Variants in CTNNA2 observed in about 807,000 individuals in gnomAD.
CTNNA2 encodes catenin alpha-2.
CTNNA2 carries 42 observed loss-of-function variants against 101.0 expected under a neutral mutation model. That is an observed-to-expected ratio of 0.42 (90% CI 0.32 to 0.54). CTNNA2 has a LOEUF of 0.54. Ranked by LOEUF, CTNNA2 falls within the 20% of genes least tolerant of loss-of-function variation. CTNNA2 has a pLI of 0.14. For missense variants in CTNNA2, 871 were observed against 1,223.1 expected, an observed-to-expected ratio of 0.71 and a Z score of 4.29; for synonymous variants, 450 against 456.4, an observed-to-expected ratio of 0.99 and a Z score of 0.18.
intron 7 of CTNNA2, among the ~76,000 whole-genome samples, chr2:79,951,872 C>CT (rs1316846501): frequency 6.6e-5 from 10 of 152,104 alleles, no homozygotes; most frequent in African/African-American, 2.4e-4. Flanking sequence ...ACTCGGCTTC[C>CT]TACAGTCCTA....
chr2:79,816,602 C>A (rs1677522304), intron 3 of CTNNA2, among the ~76,000 whole-genome samples: 1 of 152,044 alleles, frequency 6.6e-6, no homozygotes, highest in Non-Finnish European at 1.5e-5. Flanking sequence ...AAAGATCAAC[C>A]CCGAGGCCAT....
intron 1 of CTNNA2, among the ~76,000 whole-genome samples, chr2:79,192,854 T>G (rs1339343833): frequency 2.6e-5 from 4 of 151,956 alleles, no homozygotes; most frequent in Non-Finnish European, 4.4e-5. Context: ...TAAAATATTA[T>G]ATATATAAAA....
intron 7 of CTNNA2, among the ~76,000 whole-genome samples, chr2:79,966,218 T>TTATA (rs148003299): frequency 2.0e-5 from 3 of 151,480 alleles, no homozygotes; most frequent in African/African-American, 7.3e-5. Context: ...TGCTTCCGTC[T>TTATA]TATATATATA....
chr2:79,565,865 A>C (rs1158268363), intron 1 of CTNNA2, among the ~76,000 whole-genome samples: 1 of 152,110 alleles, frequency 6.6e-6, no homozygotes, highest in African/African-American at 2.4e-5. Context: ...ATTGATGCAT[A>C]AATGGTTATT....
intron 7 of CTNNA2, among the ~76,000 whole-genome samples, chr2:80,074,536 GA>G (rs1698556416): frequency 6.6e-6 from 1 of 152,086 alleles, no homozygotes; most frequent in Non-Finnish European, 1.5e-5. Flanking sequence ...TGTGTGGGGT[GA>G]AATAGAGGGC....
chr2:79,912,035 T>A (rs192149134), intron 7 of CTNNA2, among the ~76,000 whole-genome samples: 1 of 152,354 alleles, frequency 6.6e-6, no homozygotes, highest in Non-Finnish European at 1.5e-5. Context: ...CCTGGGCTGT[T>A]ATCTTTCTCT....
At chr2:79,561,306 T>G (rs1456531321) in intron 1 of CTNNA2, among the ~76,000 whole-genome samples, 1 of 151,942 alleles carries the variant, frequency 6.6e-6, no homozygotes, top group African/African-American at 2.4e-5. Context: ...ATATACCACA[T>G]TTTGTTTATC....
chr2:79,326,215 G>T (rs1463859442), intron 3 of CTNNA2, among the ~76,000 whole-genome samples: 1 of 151,492 alleles, frequency 6.6e-6, no homozygotes. Flanking sequence ...TAATGAAGGT[G>T]TTGAGGGATG....
intron 4 of CTNNA2, among the ~76,000 whole-genome samples, chr2:79,453,223 T>C (rs1397902545): frequency 6.6e-6 from 1 of 152,140 alleles, no homozygotes; most frequent in Non-Finnish European, 1.5e-5. Flanking sequence ...TTTGAGCATA[T>C]TCCTGCACAT....
At chr2:79,949,357 CTGAT>C (rs1477316766) in intron 7 of CTNNA2, among the ~76,000 whole-genome samples, 9 of 152,126 alleles carry the variant, frequency 5.9e-5, no homozygotes, top group African/African-American at 9.7e-5. Flanking sequence ...ATGTTCTAGA[CTGAT>C]TGTTTTATGC....
Position 79,218,352 on chromosome 2 carries a change from T to TGTGTGTGTGTGTGTGTA in CTNNA2, c.-406+20276_-406+20277insGTGTGTGTGTGTGTGTA, listed in dbSNP as rs1491322056. Among the ~76,000 whole-genome samples the TGTGTGTGTGTGTGTGTA allele has an allele frequency of 1.8e-4, 15 of 82,622 alleles. 1 individual carries two copies. The highest frequency in any genetic ancestry group is 1.2e-3 in the East Asian group (3 of 2,440). 54.2% of individuals were successfully genotyped at this position (82,622 alleles called of 152,430 possible). ...GTGTGTGTGTGTGTGTGTGTGTGTA[T>TGTGTGTGTGTGTGTGTA]TTTTTTTTTTTTTAGAGACAGGATC... is the stretch of plus-strand genomic sequence containing the variant. On this transcript the variant is annotated intron_variant, in intron 2 of 21. Transcript: ENST00000466387.
Position 80,102,765 on chromosome 2 carries a change from G to A in CTNNA2, c.1056+192968G>A, listed in dbSNP as rs1218276718. 2.0e-5 allele frequency among the ~76,000 whole-genome samples: 3 copies of A among 152,096 alleles called. No individual in the cohort carries two copies. In the East Asian group the frequency reaches 5.8e-4, roughly 29 times the overall value. ...GACTTCAAGTGATCCGCCAGCCTCA[G>A]CCTCCCAATGTGCTGGGATTTCAGA... On this transcript the variant is annotated intron_variant, in intron 7 of 18. Transcript: ENST00000402739.
intron 7 of CTNNA2, among the ~76,000 whole-genome samples, chr2:80,279,711 G>T (rs1348982270): frequency 6.6e-6 from 1 of 152,032 alleles, no homozygotes; most frequent in African/African-American, 2.4e-5. Context: ...TCCCTGCATG[G>T]TATTACATAG....
intron 9 of CTNNA2, among the ~76,000 whole-genome samples, chr2:80,538,100 T>TC (rs1176905886): frequency 6.6e-6 from 1 of 152,166 alleles, no homozygotes; most frequent in Non-Finnish European, 1.5e-5. Flanking sequence ...AAATTTAAGT[T>TC]CCTTGTAGAT....
chr2:79,426,195 G>A (rs528667750), intron 4 of CTNNA2, among the ~76,000 whole-genome samples: 147 of 152,110 alleles, frequency 9.7e-4, no homozygotes, highest in Non-Finnish European at 1.6e-3. Flanking sequence ...CAACTCTTTG[G>A]GTGTGTCACA....
chr2:79,211,860 T>C (rs1674178435), intron 2 of CTNNA2, among the ~76,000 whole-genome samples: 1 of 152,098 alleles, frequency 6.6e-6, no homozygotes, highest in Non-Finnish European at 1.5e-5. Flanking sequence ...GTGGGCGATG[T>C]TTCTCAGGGC....
chr2:80,162,906 G>A (rs11543049), intron 7 of CTNNA2: 6 of 1,564,872 alleles, frequency 3.8e-6, no homozygotes, highest in Non-Finnish European at 5.3e-6. Context: ...GTACCTGCTA[G>A]GAGTTGTGGA....
intron 9 of CTNNA2, among the ~76,000 whole-genome samples, chr2:80,520,219 C>T (rs1689424910): frequency 1.3e-5 from 2 of 151,770 alleles, no homozygotes; most frequent in Admixed American, 1.3e-4. Flanking sequence ...ATATACTCAC[C>T]CACACTAGAG....
chr2:79,511,680 T>C (rs190001466), upstream of CTNNA2, among the ~76,000 whole-genome samples: 1 of 152,146 alleles, frequency 6.6e-6, no homozygotes, highest in Non-Finnish European at 1.5e-5. Flanking sequence ...GATAGAGGCA[T>C]GGACAGAGGT....
Sources: allele counts gnomAD v4.1 joint callset (sites outside exome capture counted in the v4.1 genomes callset), GRCh38; gene constraint gnomAD v4.1.1; transcripts MANE v1.5; gene names NCBI Gene and HGNC (gene_info 2026-07-23, HGNC 2026-07-21).